The following FAM81A variants were observed in gnomAD, a reference collection of about 807,000 sequenced individuals.
FAM81A encodes the protein protein FAM81A.
A neutral mutation model predicts 46.7 loss-of-function variants in FAM81A; 19 were observed. The ratio of observed to expected loss-of-function variants is 0.41; its 90% confidence interval spans 0.28 to 0.60. The LOEUF (loss-of-function observed/expected upper bound fraction) is 0.60. FAM81A is among the 20% of genes least tolerant of loss of function. The pLI, the probability that FAM81A is intolerant of heterozygous loss-of-function variation, is 0.34. For missense variants in FAM81A, 377 were observed against 453.5 expected (o/e 0.83, Z 1.53); for synonymous variants, 183 against 152.9 (o/e 1.20, Z -1.45).
At chr15:59,475,918 G>A (rs1371702845) in intron 3 of FAM81A, among the ~76,000 whole-genome samples, 1 of 152,254 alleles carries the variant, frequency 6.6e-6, no homozygotes, top group East Asian at 1.9e-4. Context: ...TCTTAGTTTA[G>A]GCTGCTATGA....
At chr15:59,433,481 A>G (rs1173406563), upstream of FAM81A, among the ~76,000 whole-genome samples, 2 of 152,186 alleles carry the variant, frequency 1.3e-5, no homozygotes, top group Non-Finnish European at 2.9e-5. Flanking sequence ...AGGCATAACT[A>G]CTTCAAAAAC....
At chr15:59,492,475 C>T (rs1019858341) in intron 4 of FAM81A, 86 bp downstream of exon 4, 6 of 1,086,218 alleles carry the variant, frequency 5.5e-6, no homozygotes, top group Non-Finnish European at 6.7e-6. Context: ...TAATGAAGCC[C>T]CAAAGCAAAT....
At chr15:59,510,210 A>G (rs1391891440) in intron 6 of FAM81A, among the ~76,000 whole-genome samples, 1 of 152,050 alleles carries the variant, frequency 6.6e-6, no homozygotes, top group Non-Finnish European at 1.5e-5. Context: ...TACTAAAAAT[A>G]CAAAAATTAG....
chr15:59,508,979 C>A lies in FAM81A; in HGVS notation c.650+10C>A. ...AGCTTTTGGACACTAAGTAAGCAAT[C>A]AATTTATTAAAAAAATAAAACTTAA... is the stretch of plus-strand genomic sequence containing the variant. On this transcript the variant is annotated intron_variant, in intron 6 of 8. Coordinates refer to ENST00000288228, the MANE Select transcript of FAM81A (RefSeq NM_152450.3). 1 of 1,590,904 alleles carries A rather than the reference C, an allele frequency of 6.3e-7. No homozygotes were observed. The highest frequency in any genetic ancestry group is 8.6e-7 in the Non-Finnish European group (1 of 1,167,924).
chr15:59,452,711 G>A (rs553154188), intron 1 of FAM81A, among the ~76,000 whole-genome samples: 3 of 152,250 alleles, frequency 2.0e-5, no homozygotes, highest in South Asian at 4.1e-4. Context: ...TGCTCATGAT[G>A]TAGTGTCAAT....
chr15:59,491,132 A>G (rs1247940853), intron 3 of FAM81A, among the ~76,000 whole-genome samples: 2 of 152,232 alleles, frequency 1.3e-5, no homozygotes, highest in Non-Finnish European at 2.9e-5. Flanking sequence ...TTGCAGCACT[A>G]TCCACAATAG....
chr15:59,490,063 G>A (rs1271809341), intron 3 of FAM81A, among the ~76,000 whole-genome samples: 1 of 151,286 alleles, frequency 6.6e-6, no homozygotes, highest in Non-Finnish European at 1.5e-5. Context: ...TCCATGGCAC[G>A]AGTTTACCTA....
intron 2 of FAM81A, among the ~76,000 whole-genome samples, chr15:59,421,061 G>C (rs1245778137): frequency 6.6e-6 from 1 of 152,214 alleles, no homozygotes. Flanking sequence ...TTCTGGTGGG[G>C]TCACGTTCTC....
At position 59,458,600 on chromosome 15, in the gene FAM81A, T is replaced by C. The variant is rs773238576; in HGVS notation, c.-27T>C. 1.2e-6 allele frequency: 2 copies of C among 1,613,992 alleles called. No homozygotes were observed. The highest frequency in any genetic ancestry group is 2.2e-5 in the South Asian group (2 of 91,076). On this transcript the variant is annotated 5_prime_UTR_variant, in exon 2 of 9. Transcript: ENST00000288228. The stretch of plus-strand genomic sequence containing the variant: ...CCCAACGGAGCACTGTATTTCCTTC[T>C]CGTGTCACCAAGGAAAGGTATAATA...
chr15:59,485,277 G>A (rs1397368434), intron 3 of FAM81A, among the ~76,000 whole-genome samples: 14 of 152,178 alleles, frequency 9.2e-5, no homozygotes, highest in African/African-American at 2.7e-4. Context: ...CATACGGGTA[G>A]CCATGTAGTG....
At chr15:59,489,266 AATACATACATACATACATACATAC>A (rs61067164) in intron 3 of FAM81A, among the ~76,000 whole-genome samples, 6 of 144,138 alleles carry the variant, frequency 4.2e-5, no homozygotes, top group Non-Finnish European at 9.0e-5. Context: ...CTCCATCTCA[AATACATACATACATACATACATAC>A]ATACATACAT....
chr15:59,402,774 G>A (rs571054543), intron 2 of FAM81A, among the ~76,000 whole-genome samples: 7 of 152,068 alleles, frequency 4.6e-5, no homozygotes, highest in Non-Finnish European at 7.4e-5. Context: ...GGCTGGTCTC[G>A]AACTCCTGGC....
chr15:59,411,553 A>C (rs571650229), intron 2 of FAM81A, among the ~76,000 whole-genome samples: 1 of 152,282 alleles, frequency 6.6e-6, no homozygotes, highest in South Asian at 2.1e-4. Context: ...AAAAGACAAA[A>C]GTTTCAGAAA....
At position 59,460,314 on chromosome 15, in the gene FAM81A, A is replaced by G. The variant is rs1352485274; in HGVS notation, c.294+108A>G. 13 of 1,402,886 alleles carry G rather than the reference A, an allele frequency of 9.3e-6. No individual in the cohort carries two copies. The highest frequency in any genetic ancestry group is 1.1e-5 in the Non-Finnish European group (11 of 992,954). The allele number at this position is 1,402,886 out of a possible 1,614,324, so 86.9% of individuals were successfully genotyped here. A position where few individuals can be genotyped will look rare whatever the true frequency, so the allele number is the denominator to read the frequency against. ...ACCTCCCAGGCAGTACTGCATTTAG[A>G]ACAAAGCTGTCTGTCTTGTCTATTC... On this transcript the variant is annotated intron_variant, in intron 3 of 8. Transcript: ENST00000288228. This position sits in a 1 kb window ranked among gnomAD's most constrained non-coding sequence, Gnocchi z 4.4.
At chr15:59,445,363 A>C (rs1297076330) in intron 1 of FAM81A, 2 of 152,218 alleles carry the variant, frequency 1.3e-5, no homozygotes, top group Non-Finnish European at 2.9e-5. Context: ...GGAATTCTTA[A>C]AATTGTTGAA....
At chr15:59,451,453 ATTTT>A (rs11287400) in intron 1 of FAM81A, among the ~76,000 whole-genome samples, 1 of 139,578 alleles carries the variant, frequency 7.2e-6, no homozygotes, top group Non-Finnish European at 1.6e-5. Context: ...AACACCAATA[ATTTT>A]TTTTTTTTTT....
chr15:59,465,665 A>T (rs188097909), intron 3 of FAM81A, among the ~76,000 whole-genome samples: 284 of 152,158 alleles, frequency 1.9e-3, no homozygotes, highest in Non-Finnish European at 3.2e-3. Flanking sequence ...TGCAGAGAAC[A>T]TCCTTTTTGT....
chr15:59,496,590 G>A (rs1344166512), intron 4 of FAM81A, among the ~76,000 whole-genome samples: 1 of 151,902 alleles, frequency 6.6e-6, no homozygotes, highest in Non-Finnish European at 1.5e-5. Flanking sequence ...GGGCAACATA[G>A]CAAGACTCTA....
intron 1 of FAM81A, chr15:59,438,735 C>G (rs2081264608): frequency 6.6e-6 from 1 of 152,168 alleles, no homozygotes; most frequent in African/African-American, 2.4e-5. Context: ...CATCCTACTG[C>G]GAGCTGAGAA....
Sources: allele counts gnomAD v4.1 joint callset (sites outside exome capture counted in the v4.1 genomes callset), GRCh38; gene constraint gnomAD v4.1.1; non-coding constraint Gnocchi (gnomAD v3.1); transcripts MANE v1.5; gene names NCBI Gene and HGNC (gene_info 2026-07-23, HGNC 2026-07-21).